RARB: variants seen among roughly 807,000 people sequenced by gnomAD.
RARB encodes HBV-activated protein.
A neutral mutation model predicts 51.9 loss-of-function variants in RARB; 17 were observed. The ratio of observed to expected loss-of-function variants is 0.33; its 90% CI spans 0.22 to 0.49. The LOEUF (loss-of-function observed/expected upper bound fraction) is 0.49, where lower values mean the gene tolerates loss of function less well. Ranked by LOEUF, RARB falls within the 20% of genes least tolerant of loss-of-function variation. The pLI, the probability that RARB is intolerant of heterozygous loss-of-function variation, is 0.99. For synonymous variants in RARB, 215 were observed against 195.4 expected, an observed-to-expected ratio of 1.10 and a Z score of -0.84; for missense variants, 369 against 550.8, an observed-to-expected ratio of 0.67 and a Z score of 3.30.
intron 2 of RARB, among the ~76,000 whole-genome samples, chr3:25,486,345 G>C (rs1559428425): frequency 6.6e-6 from 1 of 152,184 alleles, no homozygotes; most frequent in African/African-American, 2.4e-5. Context: ...TCAACTGTTT[G>C]CTTAGAGTAC....
chr3:25,003,557 T>C, intron 2 of RARB, among the ~76,000 whole-genome samples: 1 of 152,170 alleles, frequency 6.6e-6, no homozygotes, highest in Non-Finnish European at 1.5e-5. Flanking sequence ...TAGGTACAAC[T>C]ACTGGCCTTA....
intron 3 of RARB, among the ~76,000 whole-genome samples, chr3:25,131,023 TA>T (rs1699944217): frequency 6.8e-6 from 1 of 147,768 alleles, no homozygotes; most frequent in African/African-American, 2.6e-5. Context: ...AATGAAATTA[TA>T]TATTTTATCA....
intron 5 of RARB, among the ~76,000 whole-genome samples, chr3:25,364,732 T>C (rs1289176510): frequency 6.6e-6 from 1 of 152,222 alleles, no homozygotes; most frequent in Non-Finnish European, 1.5e-5. Context: ...AGGAACCATA[T>C]CCAGTAATTT....
At chr3:25,379,771 G>A (rs1198802228) in intron 5 of RARB, among the ~76,000 whole-genome samples, 1 of 152,094 alleles carries the variant, frequency 6.6e-6, no homozygotes, top group African/African-American at 2.4e-5. Context: ...TCAAATTGAG[G>A]TATATCTCAT....
At chr3:25,174,600 C>CTT (rs1559492468) in intron 5 of RARB, 1 of 1,351,242 alleles carries the variant, frequency 7.4e-7, no homozygotes. Flanking sequence ...AATTTGCTCT[C>CTT]TTTTCTCTGG....
intron 4 of RARB, among the ~76,000 whole-genome samples, chr3:25,159,889 A>G (rs1465292442): frequency 1.3e-5 from 2 of 152,198 alleles, no homozygotes; most frequent in Non-Finnish European, 2.9e-5. Context: ...CACAAAGAGA[A>G]TAAGGGAGAT....
chr3:25,325,503 C>T (rs77352495), intron 5 of RARB, among the ~76,000 whole-genome samples: 2,565 of 152,092 alleles, frequency 0.017, 67 homozygotes, highest in African/African-American at 0.055. Flanking sequence ...ATGATGGAGT[C>T]GATCTGGCTC....
chr3:25,073,373 G>A (rs1698809288), intron 3 of RARB, among the ~76,000 whole-genome samples: 1 of 152,176 alleles, frequency 6.6e-6, no homozygotes. Flanking sequence ...GTCATCACTT[G>A]ATAATCTCTA....
chr3:25,403,160 C>CAAAAAA (rs532977113), intron 5 of RARB, among the ~76,000 whole-genome samples: 2 of 86,388 alleles, frequency 2.3e-5, no homozygotes, highest in African/African-American at 4.3e-5. Context: ...GACTGCATCT[C>CAAAAAA]AAAAAAAAAA....
At chr3:25,311,273 C>A (rs1704281592) in intron 5 of RARB, among the ~76,000 whole-genome samples, 1 of 152,212 alleles carries the variant, frequency 6.6e-6, no homozygotes. Context: ...GGAGTCCCAG[C>A]TGGCAAGTAC....
chr3:25,169,873 A>G (rs1178293384), intron 4 of RARB, among the ~76,000 whole-genome samples: 2 of 152,024 alleles, frequency 1.3e-5, no homozygotes, highest in Non-Finnish European at 2.9e-5. Flanking sequence ...CTATAGTTCC[A>G]GCTACTCTGG....
chr3:25,166,802 T>C (rs778089408), intron 4 of RARB, among the ~76,000 whole-genome samples: 4 of 152,176 alleles, frequency 2.6e-5, no homozygotes, highest in Non-Finnish European at 5.9e-5. Context: ...CTAATAAGGG[T>C]CCTGTCTCCA....
chr3:25,041,476 C>G (rs1229857506), intron 2 of RARB, among the ~76,000 whole-genome samples: 2 of 151,660 alleles, frequency 1.3e-5, no homozygotes, highest in Non-Finnish European at 2.9e-5. Context: ...GGTCTGACAT[C>G]CTTAGTGGAC....
In RARB at chr3:25,594,707, T is replaced by G. The variant is rs758949070; in HGVS notation, c.1150+29T>G. ...TGTCTTCGTGCTCTCAGTACTGTAG[T>G]CACACAGTGGACTTGAGGGCCTTAC... is the stretch of plus-strand genomic sequence containing the variant. On this transcript the variant is annotated intron_variant, in intron 7 of 7. Transcript: ENST00000330688. The G allele has an allele frequency of 3.3e-6, 5 of 1,537,992 alleles. 1 individual carries two copies.
intron 2 of RARB, among the ~76,000 whole-genome samples, chr3:25,040,942 T>C (rs2125294881): frequency 6.6e-6 from 1 of 152,308 alleles, no homozygotes. Flanking sequence ...ATGTGAACTC[T>C]TTGAGGGCAA....
At chr3:25,084,861 AAG>A (rs1237298720) in intron 3 of RARB, among the ~76,000 whole-genome samples, 1 of 152,062 alleles carries the variant, frequency 6.6e-6, no homozygotes, top group Middle Eastern at 3.2e-3. Flanking sequence ...TACATTTTAA[AAG>A]AGAATTTACC....
At position 25,106,808 on chromosome 3, in the gene RARB, C is replaced by T. The variant is rs142766294; in HGVS notation, c.-327-25353C>T. Among the ~76,000 whole-genome samples the T allele has an allele frequency of 4.7e-3, 719 of 152,138 alleles. 5 individuals are homozygous for T. The highest frequency in any genetic ancestry group is 5.9e-3 in the Non-Finnish European group (399 of 68,020). On this transcript the variant is annotated intron_variant, in intron 3 of 11. Transcript: ENST00000383772. ...TCAGCTATTGAAAAGAACAATTATA[C>T]TGTGATTCTTCAGCGGGTTGCTGGA...
intron 3 of RARB, among the ~76,000 whole-genome samples, chr3:25,083,937 T>C (rs1180283033): frequency 6.6e-6 from 1 of 152,196 alleles, no homozygotes; most frequent in Non-Finnish European, 1.5e-5. Context: ...CAGCAATTTT[T>C]ATCCACTCCG....
intron 2 of RARB, among the ~76,000 whole-genome samples, chr3:25,042,422 C>T (rs1365805436): frequency 2.0e-5 from 3 of 152,200 alleles, no homozygotes; most frequent in African/African-American, 7.2e-5. Flanking sequence ...AGTGCTTTAA[C>T]ACCCAGTAAT....
Sources: gnomAD v4.1 joint callset for allele counts (sites outside exome capture counted in the v4.1 genomes callset) on GRCh38, gnomAD v4.1.1 for gene constraint, MANE v1.5 for transcripts, NCBI Gene and HGNC (gene_info 2026-07-23, HGNC 2026-07-21) for gene names.